EFTUD2: variants seen among roughly 807,000 people sequenced by gnomAD.
EFTUD2 encodes the protein 116 kDa U5 small nuclear ribonucleoprotein component.
EFTUD2 carries 9 observed loss-of-function variants against 114.3 expected under a neutral mutation model. The observed-to-expected ratio is 0.08, with a 90% CI of 0.05 to 0.14. The LOEUF (loss-of-function observed/expected upper bound fraction) is 0.14, where lower values mean the gene tolerates loss of function less well. Ranked by LOEUF, EFTUD2 falls within the 10% of genes least tolerant of loss-of-function variation. The probability of loss-of-function intolerance (pLI) is 1.00; values close to 1 mark genes in which losing one functional copy is unlikely to be tolerated. For synonymous variants in EFTUD2, 449 were observed against 462.3 expected, an observed-to-expected ratio of 0.97 and a Z score of 0.37; for missense variants, 765 against 1,241.2, an observed-to-expected ratio of 0.62 and a Z score of 5.76.
chr17:44,874,336 C>T (rs1038836782), intron 10 of EFTUD2, among the ~76,000 whole-genome samples: 1 of 152,164 alleles, frequency 6.6e-6, no homozygotes, highest in Non-Finnish European at 1.5e-5. Context: ...TAAGCTATCA[C>T]GCTTGGCCTT....
rs1271211116 is a variant in EFTUD2 at position 44,850,295 on chromosome 17, T to G, written c.*979A>C. On this transcript the variant is annotated 3_prime_UTR_variant, in exon 28 of 28. Coordinates refer to ENST00000426333, the MANE Select transcript of EFTUD2 (RefSeq NM_004247.4). Reference sequence around the variant, plus strand: ...AGAGCCAGAGGACGGGTGAAGGGTTTGATGCCAAGGGGCATTATTTCTTTT... The same window carrying G: ...AGAGCCAGAGGACGGGTGAAGGGTTGGATGCCAAGGGGCATTATTTCTTTT... The G allele has an allele frequency of 6.4e-7, 1 of 1,572,294 alleles. No homozygotes were observed. Among genetic ancestry groups the G allele is most frequent in the Non-Finnish European group, 8.7e-7 (1 of 1,149,170 alleles).
At chr17:44,897,985 T>C (rs927965200) in intron 1 of EFTUD2, among the ~76,000 whole-genome samples, 1 of 152,242 alleles carries the variant, frequency 6.6e-6, no homozygotes, top group Non-Finnish European at 1.5e-5. Flanking sequence ...TGTTTAATTT[T>C]AAGATGCTGA....
intron 2 of EFTUD2, among the ~76,000 whole-genome samples, chr17:44,890,927 G>A (rs1457534214): frequency 6.6e-6 from 1 of 152,136 alleles, no homozygotes; most frequent in Non-Finnish European, 1.5e-5. Context: ...TTTCCACATT[G>A]CATAAAGGGA....
Position 44,894,508 on chromosome 17 carries a change from A to G in EFTUD2, c.14T>C (p.Leu5Ser). MDTD[L>S]YDEFGNYIGP... ...AATATAATTCCCAAACTCATCATAT[A>G]AGTCGGTATCCATGATGCTAAAATT... is the stretch of plus-strand genomic sequence containing the variant. Residue 5 changes from leucine (L) to serine (S), a missense_variant, in exon 2 of 28, where the codon TTA (leucine) becomes TCA (serine). By Grantham distance (145) the Leu-to-Ser change is moderately radical (BLOSUM62 -2). Coordinates refer to ENST00000426333, the MANE Select transcript of EFTUD2 (RefSeq NM_004247.4). 1 of 1,613,706 alleles carries G rather than the reference A, an allele frequency of 6.2e-7. No homozygotes were observed. Among genetic ancestry groups the G allele is most frequent in the Non-Finnish European group, 8.5e-7 (1 of 1,179,648 alleles).
At chr17:44,873,399 A>G (rs957717330) in intron 10 of EFTUD2, among the ~76,000 whole-genome samples, 1 of 152,196 alleles carries the variant, frequency 6.6e-6, no homozygotes, top group African/African-American at 2.4e-5. Context: ...CTTGTTGCCC[A>G]GGCTGGAGCA....
intron 1 of EFTUD2, among the ~76,000 whole-genome samples, chr17:44,896,710 TA>T (rs1417400521): frequency 1.3e-5 from 2 of 152,202 alleles, no homozygotes; most frequent in Non-Finnish European, 2.9e-5. Flanking sequence ...AACTATAGTT[TA>T]TAAGCAATAA....
At chr17:44,879,236 T>TCAC (rs1442400255) in intron 9 of EFTUD2, among the ~76,000 whole-genome samples, 1 of 151,900 alleles carries the variant, frequency 6.6e-6, no homozygotes, top group East Asian at 1.9e-4. Context: ...CAGGCATGGG[T>TCAC]CACCACACCT....
At chr17:44,855,647 C>T (rs1239458435) in intron 20 of EFTUD2, among the ~76,000 whole-genome samples, 1 of 151,836 alleles carries the variant, frequency 6.6e-6, no homozygotes, top group African/African-American at 2.4e-5. Context: ...GCAAGAGACC[C>T]CATCTCTATA....
In EFTUD2 at chr17:44,883,184, C is replaced by T. The variant is rs747454527; in HGVS notation, c.427-26G>A. 7 of 1,612,354 alleles carry T rather than the reference C, an allele frequency of 4.3e-6. No homozygotes were observed. In the Admixed American group the frequency reaches 6.7e-5, roughly 15 times the overall value. On this transcript the variant is annotated intron_variant, in intron 5 of 27. Transcript: ENST00000426333. ...CTAAAAGGGAAGAAACAGTTAACAT[C>T]TGCCGACCACAGAGGAAAATTTACT...
At chr17:44,851,494 G>A (rs998323097) in intron 27 of EFTUD2, 125 bp from the exon 28 acceptor site, 3 of 915,056 alleles carry the variant, frequency 3.3e-6, no homozygotes, top group African/African-American at 3.3e-5. Context: ...GGTGTTTCAG[G>A]AGCCCTGCCT....
chr17:44,886,277 T>C (rs2051171260), intron 3 of EFTUD2, among the ~76,000 whole-genome samples: 1 of 151,952 alleles, frequency 6.6e-6, no homozygotes, highest in African/African-American at 2.4e-5. Flanking sequence ...TGAGAACTGG[T>C]TAAAAGGGTT....
chr17:44,884,764 G>C (rs1006713851), intron 4 of EFTUD2, among the ~76,000 whole-genome samples: 2 of 151,998 alleles, frequency 1.3e-5, no homozygotes, highest in Admixed American at 6.6e-5. Context: ...GTGTGTTCCT[G>C]TAGTTCCAGC....
rs1247130844 is a variant in EFTUD2, at chr17:44,851,260, A to G, written c.*14T>C. The G allele has an allele frequency of 1.2e-6, 2 of 1,610,360 alleles. No individual in the cohort carries two copies. The highest frequency in any genetic ancestry group is 1.7e-6 in the Non-Finnish European group (2 of 1,176,742). ...CCCACTGTAGGGAGCAGGAGCTCCC[A>G]GGAGTCCACGCACTCACATGGGGTA... On this transcript the variant is annotated 3_prime_UTR_variant, in exon 28 of 28. Transcript: ENST00000426333.
chr17:44,876,088 T>C lies in EFTUD2; in HGVS notation c.715A>G (p.Thr239Ala), dbSNP rs751869571. 4 of 1,612,612 alleles carry C rather than the reference T, an allele frequency of 2.5e-6. No individual in the cohort carries two copies. Among genetic ancestry groups the C allele is most frequent in the Non-Finnish European group, 3.4e-6 (4 of 1,179,120 alleles). The change falls in exon 10 of 28, where the codon ACA becomes GCA. Residue 239 changes from threonine to alanine, a missense_variant. Around this residue, in one of 6 missense-constraint regions of EFTUD2, gnomAD observed 251 missense variants for 357.7 expected, o/e 0.70. Coordinates refer to ENST00000426333, the MANE Select transcript of EFTUD2 (RefSeq NM_004247.4). The stretch of plus-strand genomic sequence containing the variant: ...ACCGCATGCTTGATCAGCCGCTCTG[T>C]GTTCAGCATCACCTGAGAAAAACAA... Reference protein sequence around the residue: ...IDAAEGVMLNTERLIKHAVQE... With the variant: ...IDAAEGVMLNAERLIKHAVQE...
At chr17:44,873,432 T>C (rs1355070286) in intron 10 of EFTUD2, among the ~76,000 whole-genome samples, 1 of 152,150 alleles carries the variant, frequency 6.6e-6, no homozygotes, top group South Asian at 2.1e-4. Context: ...CACCATTCAC[T>C]GTAGCCTCGA....
chr17:44,860,029 G>A lies in EFTUD2; in HGVS notation c.1736C>T (p.Pro579Leu), dbSNP rs748956109. The change falls in exon 18 of 28, where the codon CCC (proline) becomes CTC (leucine). Residue 579 changes from proline (P) to leucine (L), a missense_variant. Physicochemically the swap from Pro to Leu is moderately conservative, Grantham distance 98. Transcript: ENST00000426333. ...AACAGATGTGGTATTGAACTTCAAG[G>A]GTCGGAAAATCTGAGCCTGAGATCC... ...RGNEEAQIFR[P>L]LKFNTTSVIK... is the part of the protein sequence containing the mutation. 30 of 1,614,034 alleles carry A rather than the reference G, an allele frequency of 1.9e-5. No homozygotes were observed. The highest frequency in any genetic ancestry group is 2.3e-5 in the Non-Finnish European group (27 of 1,180,042).
At position 44,857,030 on chromosome 17, in the gene EFTUD2, T is replaced by C. The variant is rs1373583090; in HGVS notation, c.2045+45A>G. On this transcript the variant is annotated intron_variant, in intron 20 of 27. Transcript: ENST00000426333. ...GAGGTGGAAGATAAAGGAGAGAGAG[T>C]GTCCAGGAGGCTGCAGTCCCAGGGA... 2.0e-6 allele frequency: 3 copies of C among 1,502,666 alleles called. No individual in the cohort carries two copies. The African/African-American group carries it at 4.1e-5, about 21-fold the overall frequency. 93.1% of individuals were successfully genotyped at this position (1,502,666 alleles called of 1,614,324 possible).
intron 18 of EFTUD2, chr17:44,859,515 C>T: frequency 2.0e-6 from 1 of 502,904 alleles, no homozygotes; most frequent in Non-Finnish European, 3.6e-6. Flanking sequence ...CACTGGCAGG[C>T]TCATAGTGTA....
Position 44,852,421 on chromosome 17 carries a change from G to A in EFTUD2, c.2703C>T (p.Phe901=). 6.2e-7 allele frequency: 1 copy of A among 1,614,034 alleles called. No homozygotes were observed. The highest frequency in any genetic ancestry group is 8.5e-7 in the Non-Finnish European group (1 of 1,179,998). Residue 901 remains phenylalanine, a synonymous_variant, in exon 26 of 28, where the codon TTC becomes TTT. Transcript: ENST00000426333. The part of the protein sequence containing the change: ...TQGQAFSLSV[F]HHWQIVPGDP... ...ATTGCTTTCTCACCTGCCAGTGGTG[G>A]AAGACAGACAGAGAAAAGGCTTGTC...
Sources: gnomAD v4.1 joint callset for allele counts (sites outside exome capture counted in the v4.1 genomes callset) on GRCh38, gnomAD v4.1.1 for gene constraint, gnomAD v4.1.1 regional missense constraint, MANE v1.5 for transcripts, NCBI Gene and HGNC (gene_info 2026-07-23, HGNC 2026-07-21) for gene names.